FAM135B: variants seen among roughly 807,000 people sequenced by gnomAD.
The protein encoded by FAM135B is family with sequence similarity 135 member B.
A neutral mutation model predicts 127.7 loss-of-function variants in FAM135B; 43 were observed. The observed-to-expected ratio is 0.34, with a 90% confidence interval of 0.26 to 0.43. The LOEUF is 0.43. Among genes scored for constraint, FAM135B ranks in the 20% least tolerant of loss-of-function variants. The pLI is 1.00. For synonymous variants in FAM135B, 670 were observed against 665.1 expected, an observed-to-expected ratio of 1.01 and a Z score of -0.11; for missense variants, 1,558 against 1,725.6, an observed-to-expected ratio of 0.90 and a Z score of 1.72.
chr8:138,355,474 AAAATCAT>A (rs1830036642), intron 2 of FAM135B, among the ~76,000 whole-genome samples: 1 of 152,188 alleles, frequency 6.6e-6, no homozygotes, highest in Admixed American at 6.5e-5. Flanking sequence ...CAAGGACAAA[AAAATCAT>A]TCACTCTCTT....
At position 138,152,047 on chromosome 8, in the gene FAM135B, C is replaced by T. The variant is rs770177696; in HGVS notation, c.2428G>A (p.Gly810Arg). 2.5e-6 allele frequency: 4 copies of T among 1,613,940 alleles called. No homozygotes were observed. Among genetic ancestry groups the T allele is most frequent in the Non-Finnish European group, 2.5e-6 (3 of 1,180,052 alleles). Residue 810 changes from glycine (G) to arginine (R), a missense_variant, in exon 13 of 20, where the codon GGA (glycine) becomes AGA (arginine). Around this residue, in one of 5 missense-constraint regions of FAM135B, gnomAD observed 923 missense variants for 865.3 expected, o/e 1.07. Coordinates refer to ENST00000395297, the MANE Select transcript of FAM135B (RefSeq NM_015912.4). ...TCACCACAAAGTTGAGAGCAAGATC[C>T]TGGGGAACCTTGGCTCTTGCTGTGC... ...DMHSKSQGSPGSCSQLCGDSG... is the reference protein window; with the variant it reads ...DMHSKSQGSPRSCSQLCGDSG...
chr8:138,432,874 C>T (rs751386988), intron 1 of FAM135B, among the ~76,000 whole-genome samples: 15 of 151,984 alleles, frequency 9.9e-5, no homozygotes, highest in Middle Eastern at 3.4e-3. Context: ...TGGGGGGTGA[C>T]GGGGCCCCAG....
At chr8:138,171,940 A>G (rs1820493865) in intron 11 of FAM135B, among the ~76,000 whole-genome samples, 1 of 152,070 alleles carries the variant, frequency 6.6e-6, no homozygotes, top group Non-Finnish European at 1.5e-5. Flanking sequence ...ATACAGGTGG[A>G]GGTGTGCATG....
intron 1 of FAM135B, among the ~76,000 whole-genome samples, chr8:138,492,559 A>G (rs1436507751): frequency 6.6e-6 from 1 of 152,054 alleles, no homozygotes; most frequent in African/African-American, 2.4e-5. Context: ...AGAGGAAAAG[A>G]CTGGCTTGCA....
At chr8:138,192,718 C>G (rs972661780) in intron 9 of FAM135B, among the ~76,000 whole-genome samples, 3 of 152,160 alleles carry the variant, frequency 2.0e-5, no homozygotes, top group African/African-American at 7.2e-5. Flanking sequence ...GCAAATTATT[C>G]TTAAAAACTC....
At chr8:138,265,266 T>G (rs553986908) in intron 4 of FAM135B, among the ~76,000 whole-genome samples, 98 of 152,294 alleles carry the variant, frequency 6.4e-4, no homozygotes, top group Admixed American at 1.3e-3. Flanking sequence ...TTTGCTTATA[T>G]ATCTGTTTTC....
intron 3 of FAM135B, among the ~76,000 whole-genome samples, chr8:138,310,550 C>G (rs958223868): frequency 1.3e-5 from 2 of 152,186 alleles, no homozygotes; most frequent in Non-Finnish European, 2.9e-5. Context: ...TCATTTCCTA[C>G]CAGCGTCCTC....
At chr8:138,194,456 T>A (rs1465260202) in intron 9 of FAM135B, among the ~76,000 whole-genome samples, 1 of 152,178 alleles carries the variant, frequency 6.6e-6, no homozygotes, top group Non-Finnish European at 1.5e-5. Context: ...AAACACAGTA[T>A]CTGAACTCCA....
intron 3 of FAM135B, among the ~76,000 whole-genome samples, chr8:138,293,908 C>G (rs536122899): frequency 6.6e-4 from 100 of 152,156 alleles, no homozygotes; most frequent in African/African-American, 2.1e-3. Flanking sequence ...TCCACCCAAA[C>G]AGAAAGAAGT....
At chr8:138,388,292 G>T (rs529344651) in intron 1 of FAM135B, among the ~76,000 whole-genome samples, 1 of 152,282 alleles carries the variant, frequency 6.6e-6, no homozygotes, top group East Asian at 1.9e-4. Flanking sequence ...TTCACTGCTG[G>T]TGGGAATGCA....
intron 1 of FAM135B, among the ~76,000 whole-genome samples, chr8:138,485,243 C>T (rs543026881): frequency 2.0e-5 from 3 of 152,164 alleles, no homozygotes; most frequent in Non-Finnish European, 4.4e-5. Context: ...AGCTACTGCT[C>T]AGTGTTGTCA....
intron 5 of FAM135B, among the ~76,000 whole-genome samples, chr8:138,252,495 G>A (rs972823079): frequency 5.9e-5 from 9 of 152,100 alleles, no homozygotes; most frequent in Admixed American, 5.2e-4. Flanking sequence ...CGCAAAGATG[G>A]CAAAAATGTT....
At chr8:138,307,766 A>T (rs1291562413) in intron 3 of FAM135B, among the ~76,000 whole-genome samples, 1 of 151,658 alleles carries the variant, frequency 6.6e-6, no homozygotes. Context: ...AGATACATGG[A>T]ACAAAACAGC....
At chr8:138,291,357 C>A (rs1357044620) in intron 3 of FAM135B, among the ~76,000 whole-genome samples, 1 of 152,146 alleles carries the variant, frequency 6.6e-6, no homozygotes, top group Non-Finnish European at 1.5e-5. Flanking sequence ...GACCATCACA[C>A]AAGCATTTAT....
At chr8:138,294,954 T>A (rs1316609365) in intron 3 of FAM135B, among the ~76,000 whole-genome samples, 1 of 152,176 alleles carries the variant, frequency 6.6e-6, no homozygotes, top group Non-Finnish European at 1.5e-5. Context: ...TAAGTCTATT[T>A]CCTCTGGTTC....
At chr8:138,288,432 G>C (rs1484286451) in intron 3 of FAM135B, among the ~76,000 whole-genome samples, 1 of 152,158 alleles carries the variant, frequency 6.6e-6, no homozygotes, top group East Asian at 1.9e-4. Context: ...CAAGGTTTCA[G>C]AGCTAGGGAA....
intron 1 of FAM135B, among the ~76,000 whole-genome samples, chr8:138,373,774 T>A (rs1831296660): frequency 6.6e-6 from 1 of 152,070 alleles, no homozygotes; most frequent in Admixed American, 6.6e-5. Flanking sequence ...TGGTCGAGAC[T>A]GTATGTAGGG....
chr8:138,213,172 T>C (rs1219941215), intron 7 of FAM135B, among the ~76,000 whole-genome samples: 2 of 152,108 alleles, frequency 1.3e-5, no homozygotes, highest in Non-Finnish European at 2.9e-5. Context: ...CATGTGAAAA[T>C]GCTGAATAGA....
At chr8:138,135,974 GT>G (rs1437426638) in intron 19 of FAM135B, among the ~76,000 whole-genome samples, 1 of 152,046 alleles carries the variant, frequency 6.6e-6, no homozygotes, top group African/African-American at 2.4e-5. Context: ...AAAGTAGGTA[GT>G]GATAGAGGTG....
Sources: allele counts gnomAD v4.1 joint callset (sites outside exome capture counted in the v4.1 genomes callset), GRCh38; gene constraint gnomAD v4.1.1; regional missense constraint gnomAD v4.1.1; transcripts MANE v1.5; gene names NCBI Gene and HGNC (gene_info 2026-07-23, HGNC 2026-07-21).